Variants in ZSCAN10 observed in about 807,000 individuals in gnomAD.
The protein encoded by ZSCAN10 is zinc finger and SCAN domain-containing protein 10.
In ZSCAN10, 52 loss-of-function variants were observed where a neutral mutation model predicts 63.7. The ratio of observed to expected loss-of-function variants is 0.82; its 90% CI spans 0.65 to 1.03. ZSCAN10 has a LOEUF of 1.03. Among genes scored for constraint, ZSCAN10 ranks in the 50% least tolerant of loss-of-function variants. The pLI is 0.00. For synonymous variants in ZSCAN10, 544 were observed against 479.6 expected (o/e 1.13, Z -1.76); for missense variants, 1,223 against 1,103.8 (o/e 1.11, Z -1.53).
rs376315193 is a variant in ZSCAN10, at chr16:3,092,350, G to A, written c.397-34C>T. On this transcript the variant is annotated intron_variant, in intron 2 of 5. Coordinates refer to ENST00000576985, the MANE Select transcript of ZSCAN10 (RefSeq NM_032805.3). ...AACACATTCAAGTTAAGTGACTCCC[G>A]GGGTGGCAACCTGTGTCCTGACTCC... 2.0e-4 allele frequency: 305 copies of A among 1,563,682 alleles called. No homozygotes were observed. In the African/African-American group the frequency reaches 3.1e-3, roughly 16 times the overall value.
In ZSCAN10 at chr16:3,089,627, G is replaced by A; in HGVS notation, c.1807C>T (p.Pro603Ser). 6 of 1,585,130 alleles carry A rather than the reference G, an allele frequency of 3.8e-6. No individual in the cohort carries two copies. The highest frequency in any genetic ancestry group is 5.1e-6 in the Non-Finnish European group (6 of 1,165,696). Residue 603 changes from proline (P) to serine (S), a missense_variant, in exon 6 of 6, where the codon CCT becomes TCT. Transcript: ENST00000576985. ...CACTGGGTGCAGTGGTGGGGCCGAG[G>A]GCCACCGTGGGTCAGCAGGTGGCGG... is the stretch of plus-strand genomic sequence containing the variant. ...LARHLLTHGG[P>S]RPHHCTQCGK...
chr16:3,098,258 C>T (rs995199661), intron 1 of ZSCAN10, among the ~76,000 whole-genome samples: 4 of 151,964 alleles, frequency 2.6e-5, no homozygotes, highest in African/African-American at 7.3e-5. Context: ...CCCAGTCCAG[C>T]CCACGCACGA....
At chr16:3,091,263 G>C (rs1178817108) in intron 5 of ZSCAN10, among the ~76,000 whole-genome samples, 1 of 151,922 alleles carries the variant, frequency 6.6e-6, no homozygotes, top group African/African-American at 2.4e-5. Flanking sequence ...AGTGAGCCAT[G>C]ATTGTGCCAC....
rs1268068142 is a variant in ZSCAN10 at position 3,089,875 on chromosome 16, C to T, written c.1559G>A (p.Arg520Lys). 1.3e-6 allele frequency: 2 copies of T among 1,537,368 alleles called. No individual in the cohort carries two copies. Among genetic ancestry groups the T allele is most frequent in the Admixed American group, 3.9e-5 (2 of 51,018 alleles). Residue 520 changes from arginine (R) to lysine (K), a missense_variant, in exon 6 of 6, where the codon AGG (arginine) becomes AAG (lysine). Transcript: ENST00000576985. The part of the protein sequence containing the change: ...SGSRRRDSDR[R>K]PFVCSDCGKA... Reference sequence around the variant, plus strand: ...GCCGCAGTCGCTGCACACGAAGGGCCTCCGGTCGGAGTCCCGGCGGCGGCT... The same window carrying T: ...GCCGCAGTCGCTGCACACGAAGGGCTTCCGGTCGGAGTCCCGGCGGCGGCT...
At chr16:3,098,042 C>CAAAAA (rs371407228) in intron 1 of ZSCAN10, among the ~76,000 whole-genome samples, 15 of 43,770 alleles carry the variant, frequency 3.4e-4, no homozygotes, top group African/African-American at 6.0e-4. Flanking sequence ...GACCCTGTCT[C>CAAAAA]AAAAAAAAAA....
intron 5 of ZSCAN10, 111 bp from the exon 6 acceptor site, chr16:3,090,757 G>T (rs944525985): frequency 1.0e-5 from 14 of 1,333,332 alleles, no homozygotes; most frequent in Middle Eastern, 2.1e-4. Flanking sequence ...CTGCAAAGCT[G>T]GTAGGTAAAA....
rs979479909 is a variant in ZSCAN10 at position 3,089,352 on chromosome 16, C to T, written c.2082G>A (p.Thr694=). Residue 694 remains threonine (T), a synonymous_variant, in exon 6 of 6, where the codon ACG becomes ACA. Coordinates refer to ENST00000576985, the MANE Select transcript of ZSCAN10 (RefSeq NM_032805.3). ...CGTTGCGCCGGAAGCTGCGACCGCA[C>T]GTCTGACAGCTGTAGGGCCGCTCGC... ...HTGERPYSCQ[T]CGRSFRRNAH... is the part of the protein sequence containing the mutation. The T allele has an allele frequency of 2.5e-6, 4 of 1,595,284 alleles. No individual in the cohort carries two copies. The highest frequency in any genetic ancestry group is 2.2e-5 in the South Asian group (2 of 90,414).
chr16:3,093,714 T>C (rs1170737489), intron 1 of ZSCAN10, among the ~76,000 whole-genome samples: 4 of 142,524 alleles, frequency 2.8e-5, no homozygotes, highest in Non-Finnish European at 6.1e-5. Context: ...GGAGTCTTGC[T>C]ATATCACCCA....
chr16:3,089,380 G>C lies in ZSCAN10; in HGVS notation c.2054C>G (p.Thr685Arg). 8 of 1,602,896 alleles carry C rather than the reference G, an allele frequency of 5.0e-6. No individual in the cohort carries two copies. The highest frequency in any genetic ancestry group is 6.8e-6 in the Non-Finnish European group (8 of 1,178,568). The part of the protein sequence containing the change: ...SNLARHRRSH[T>R]GERPYSCQTC... Reference sequence around the variant, plus strand: ...CTGACAGCTGTAGGGCCGCTCGCCCGTGTGGCTGCGGCGATGGCGGGCCAG... The same window carrying C: ...CTGACAGCTGTAGGGCCGCTCGCCCCTGTGGCTGCGGCGATGGCGGGCCAG... The change falls in exon 6 of 6, where the codon ACG becomes AGG. Residue 685 changes from threonine to arginine, a missense_variant. Transcript: ENST00000576985.
At chr16:3,095,590 G>C (rs1957142800) in intron 1 of ZSCAN10, among the ~76,000 whole-genome samples, 1 of 150,454 alleles carries the variant, frequency 6.6e-6, no homozygotes. Context: ...CCAGCACTTT[G>C]GGAGGCCGAG....
chr16:3,092,500 C>T (rs771083187), intron 2 of ZSCAN10, 42 bp downstream of exon 2: 105 of 1,462,190 alleles, frequency 7.2e-5, no homozygotes, highest in Middle Eastern at 1.8e-4. Flanking sequence ...ATCAAGTCCC[C>T]ATCATCCGCA....
chr16:3,090,672 G>T (rs778979888), intron 5 of ZSCAN10, 26 bp from the exon 6 acceptor site: 1 of 1,508,174 alleles, frequency 6.6e-7, no homozygotes, highest in Non-Finnish European at 8.8e-7. Flanking sequence ...AAACAGGGAC[G>T]GTCAGGCCTA....
Position 3,090,619 on chromosome 16 carries a change from T to C in ZSCAN10, c.815A>G (p.Glu272Gly), listed in dbSNP as rs751054072. Reference sequence around the variant, plus strand: ...TTTGGGCTCTTCTTGTTTAAATTCCTCCTTGTCTGGGGTTCTGCTTCCGAA... The same window carrying C: ...TTTGGGCTCTTCTTGTTTAAATTCCCCCTTGTCTGGGGTTCTGCTTCCGAA... ...LGFGSRTPDK[E>G]EFKQEEPKGA... The change falls in exon 6 of 6, where the codon GAG (glutamate) becomes GGG (glycine). Residue 272 changes from glutamate (E) to glycine (G), a missense_variant. Coordinates refer to ENST00000576985, the MANE Select transcript of ZSCAN10 (RefSeq NM_032805.3). 5 of 1,551,710 alleles carry C rather than the reference T, an allele frequency of 3.2e-6. No individual in the cohort carries two copies. In the Admixed American group the frequency reaches 1.0e-4, roughly 32 times the overall value.
intron 1 of ZSCAN10, among the ~76,000 whole-genome samples, chr16:3,097,473 G>A (rs1005203354): frequency 2.8e-4 from 43 of 152,318 alleles, no homozygotes; most frequent in African/African-American, 9.4e-4. Context: ...GCTTCCTAGC[G>A]TTAACCCTCA....
intron 5 of ZSCAN10, 142 bp from the exon 6 acceptor site, chr16:3,090,788 G>C: frequency 9.6e-7 from 1 of 1,037,494 alleles, no homozygotes; most frequent in African/African-American, 1.7e-5. Context: ...AGTGGTTCAC[G>C]CCTGTAATTT....
chr16:3,094,591 C>T (rs903254528), intron 1 of ZSCAN10, among the ~76,000 whole-genome samples: 3 of 152,174 alleles, frequency 2.0e-5, no homozygotes, highest in Non-Finnish European at 4.4e-5. Context: ...GTGATCCGCC[C>T]GCTTCGGTCT....
chr16:3,098,993 T>C (rs917023276), intron 1 of ZSCAN10, among the ~76,000 whole-genome samples, 197 bp downstream of exon 1: 2 of 152,074 alleles, frequency 1.3e-5, no homozygotes, highest in African/African-American at 4.8e-5. Context: ...ATCTCCCTCG[T>C]CCCCAACGCC....
intron 1 of ZSCAN10, among the ~76,000 whole-genome samples, chr16:3,095,826 T>A (rs1472276872): frequency 2.6e-4 from 23 of 87,354 alleles, no homozygotes; most frequent in Non-Finnish European, 5.1e-4. Flanking sequence ...AGACTCCATC[T>A]CAAAAAAAAA....
chr16:3,092,887 T>A lies in ZSCAN10; in HGVS notation c.51A>T (p.Glu17Asp). Reference sequence around the variant, plus strand: ...CAGCCTCCTCCTCCTCCAGCTTGACTTCCCCCAGCTGCTCCTGCTCCACGG... The same window carrying A: ...CAGCCTCCTCCTCCTCCAGCTTGACATCCCCCAGCTGCTCCTGCTCCACGG... Reference protein sequence around the residue: ...PAAVEQEQLGEVKLEEEEAVS... With the variant: ...PAAVEQEQLGDVKLEEEEAVS... The change falls in exon 2 of 6, where the codon GAA (glutamate) becomes GAT (aspartate). Residue 17 changes from glutamate (E) to aspartate (D), a missense_variant. Transcript: ENST00000576985. The A allele has an allele frequency of 2.8e-6, 4 of 1,441,940 alleles. No individual in the cohort carries two copies. The highest frequency in any genetic ancestry group is 3.7e-6 in the Non-Finnish European group (4 of 1,095,714). 89.3% of individuals were successfully genotyped at this position (1,441,940 alleles called of 1,614,324 possible).
Sources: gnomAD v4.1 joint callset for allele counts (sites outside exome capture counted in the v4.1 genomes callset) on GRCh38, gnomAD v4.1.1 for gene constraint, MANE v1.5 for transcripts, NCBI Gene and HGNC (gene_info 2026-07-23, HGNC 2026-07-21) for gene names.